HACD2: variants seen among roughly 807,000 people sequenced by gnomAD.
HACD2 encodes the protein very-long-chain (3R)-3-hydroxyacyl-CoA dehydratase 2.
HACD2 carries 15 observed loss-of-function variants against 31.0 expected under a neutral mutation model. That is an observed-to-expected ratio of 0.48 (90% CI 0.32 to 0.75). HACD2 has a LOEUF of 0.75. Among genes scored for constraint, HACD2 ranks in the 30% least tolerant of loss-of-function variants. The probability of loss-of-function intolerance (pLI) is 0.03; values close to 1 mark genes in which losing one functional copy is unlikely to be tolerated. For missense variants in HACD2, 283 were observed against 313.0 expected (o/e 0.90, Z 0.72); for synonymous variants, 115 against 122.2 (o/e 0.94, Z 0.39).
chr3:123,541,398 T>C (rs1174925774), intron 3 of HACD2, among the ~76,000 whole-genome samples: 1 of 152,220 alleles, frequency 6.6e-6, no homozygotes, highest in East Asian at 1.9e-4. Context: ...GGATTTCACT[T>C]AAGCAAACCA....
chr3:123,517,611 C>T (rs571476653), intron 4 of HACD2, among the ~76,000 whole-genome samples: 1 of 152,146 alleles, frequency 6.6e-6, no homozygotes. Context: ...ACCCACAGTC[C>T]GCCCCCAAAT....
chr3:123,535,508 A>G (rs1228063914), intron 3 of HACD2, among the ~76,000 whole-genome samples: 2 of 152,264 alleles, frequency 1.3e-5, no homozygotes, highest in African/African-American at 2.4e-5. Flanking sequence ...GTATTTTAAA[A>G]CATGCTAGTC....
chr3:123,581,604 T>G (rs1022657733), intron 2 of HACD2, among the ~76,000 whole-genome samples: 4 of 152,222 alleles, frequency 2.6e-5, no homozygotes, highest in African/African-American at 9.7e-5. Context: ...ATTCCTGAGC[T>G]AGTTTCTTTG....
At chr3:123,512,915 G>C (rs1410646773) in intron 4 of HACD2, among the ~76,000 whole-genome samples, 1 of 152,204 alleles carries the variant, frequency 6.6e-6, no homozygotes, top group Non-Finnish European at 1.5e-5. Flanking sequence ...CTCAGTAGCA[G>C]TGAGCACCTC....
chr3:123,571,469 A>G (rs2056855051), intron 2 of HACD2, among the ~76,000 whole-genome samples: 1 of 152,210 alleles, frequency 6.6e-6, no homozygotes, highest in Non-Finnish European at 1.5e-5. Context: ...TATTCAAAGA[A>G]CAAGAGGGAT....
At chr3:123,501,708 G>A (rs1257969085) in intron 5 of HACD2, among the ~76,000 whole-genome samples, 1 of 152,202 alleles carries the variant, frequency 6.6e-6, no homozygotes, top group Non-Finnish European at 1.5e-5. Context: ...CACAGTGGCT[G>A]TCCAGGTTGG....
chr3:123,553,014 G>A (rs2056636159), intron 3 of HACD2, among the ~76,000 whole-genome samples: 1 of 152,002 alleles, frequency 6.6e-6, no homozygotes, highest in Non-Finnish European at 1.5e-5. Context: ...TAAATTAAAA[G>A]AGAAACAAAA....
At chr3:123,573,714 C>A (rs2056878830) in intron 2 of HACD2, among the ~76,000 whole-genome samples, 1 of 152,074 alleles carries the variant, frequency 6.6e-6, no homozygotes. Context: ...CATAAACAAG[C>A]AAAAGGGTGT....
chr3:123,583,214 T>C (rs1559940120), intron 1 of HACD2, among the ~76,000 whole-genome samples: 1 of 152,154 alleles, frequency 6.6e-6, no homozygotes, highest in Non-Finnish European at 1.5e-5. Context: ...AAAAAAAAGC[T>C]TACTTTGCTC....
At chr3:123,584,268 TC>T (rs1444392721) in intron 1 of HACD2, 2 of 152,160 alleles carry the variant, frequency 1.3e-5, no homozygotes, top group Non-Finnish European at 1.5e-5. Flanking sequence ...GGGTCCATTC[TC>T]CCCCTTTCCA....
At chr3:123,502,776 C>G (rs1038717996) in intron 4 of HACD2, 95 bp from the exon 5 acceptor site, 35 of 1,315,560 alleles carry the variant, frequency 2.7e-5, no homozygotes, top group Non-Finnish European at 3.4e-5. Context: ...TGAGTCGGCA[C>G]AGCCGCTGGT....
At chr3:123,498,328 G>T (rs181295735) in intron 6 of HACD2, among the ~76,000 whole-genome samples, 1 of 152,336 alleles carries the variant, frequency 6.6e-6, no homozygotes, top group Admixed American at 6.5e-5. Context: ...CTTACCAAAA[G>T]GAGGCTGAGA....
rs575764470 is a variant in HACD2, at chr3:123,507,717, C to A, written c.382-5036G>T. Reference sequence around the variant, plus strand: ...CATAAATACAGATACCTACTATGTACCCACAAAAATTTTAAAAAATAAAAA... The same window carrying A: ...CATAAATACAGATACCTACTATGTAACCACAAAAATTTTAAAAAATAAAAA... On this transcript the variant is annotated intron_variant, in intron 4 of 6. Coordinates refer to ENST00000383657, the MANE Select transcript of HACD2 (RefSeq NM_198402.5). 2.2e-3 allele frequency among the ~76,000 whole-genome samples: 335 copies of A among 151,866 alleles called. 1 individual carries two copies. Among genetic ancestry groups the A allele is most frequent in the Non-Finnish European group, 3.8e-3 (259 of 67,968 alleles).
chr3:123,523,128 C>T (rs1306176867), intron 4 of HACD2, among the ~76,000 whole-genome samples: 7 of 152,140 alleles, frequency 4.6e-5, no homozygotes, highest in Admixed American at 6.5e-5. Flanking sequence ...AGGAAGAACA[C>T]GAGCACACTG....
At chr3:123,574,270 T>C (rs566909335) in intron 2 of HACD2, among the ~76,000 whole-genome samples, 1 of 152,358 alleles carries the variant, frequency 6.6e-6, no homozygotes, top group East Asian at 1.9e-4. Flanking sequence ...ATCAACTTTA[T>C]CTTATGCTGT....
At chr3:123,512,119 G>A (rs986275785) in intron 4 of HACD2, among the ~76,000 whole-genome samples, 2 of 152,112 alleles carry the variant, frequency 1.3e-5, no homozygotes, top group African/African-American at 4.8e-5. Flanking sequence ...AGCCTCAGGT[G>A]TTCCTTAATA....
At position 123,494,913 on chromosome 3, in the gene HACD2, G is replaced by A; in HGVS notation, c.740C>T (p.Thr247Ile). The A allele has an allele frequency of 2.6e-6, 4 of 1,559,434 alleles. No homozygotes were observed. Among genetic ancestry groups the A allele is most frequent in the Non-Finnish European group, 3.5e-6 (4 of 1,150,100 alleles). Residue 247 changes from threonine (T) to isoleucine (I), a missense_variant, in exon 7 of 7, where the codon ACT (threonine) becomes ATT (isoleucine). This residue lies in a region of HACD2 where 40 missense variants were observed against 35.1 expected (regional missense o/e 1.14). Transcript: ENST00000383657. ...CTATTCAAATTTCTTGTGTTCTTCA[G>A]TATGAGAAAGGATCTTTCTTCTCTG... ...IHQRRKILSHTEEHKKFE is the reference protein window; with the variant it reads ...IHQRRKILSHIEEHKKFE
chr3:123,565,310 A>G (rs545988569), intron 3 of HACD2, among the ~76,000 whole-genome samples: 1 of 152,286 alleles, frequency 6.6e-6, no homozygotes, highest in African/African-American at 2.4e-5. Context: ...CTGTACCCTG[A>G]ATGTCTACGT....
At position 123,516,847 on chromosome 3, in the gene HACD2, T is replaced by C. The variant is rs1296704787; in HGVS notation, c.381+11539A>G. ...TGTTCAGCCTGTTTTCTGGAAAACATGAAGAAAGGATGGTCGGTACCTCAA... is the reference window on the plus strand; with the variant it reads ...TGTTCAGCCTGTTTTCTGGAAAACACGAAGAAAGGATGGTCGGTACCTCAA... On this transcript the variant is annotated intron_variant, in intron 4 of 6. Transcript: ENST00000383657. Among the ~76,000 whole-genome samples, 3 of 152,262 alleles carry C rather than the reference T, an allele frequency of 2.0e-5. No homozygotes were observed. In the East Asian group the frequency reaches 5.8e-4, roughly 29 times the overall value.
Sources: allele counts gnomAD v4.1 joint callset (sites outside exome capture counted in the v4.1 genomes callset), GRCh38; gene constraint gnomAD v4.1.1; regional missense constraint gnomAD v4.1.1; transcripts MANE v1.5; gene names NCBI Gene and HGNC (gene_info 2026-07-23, HGNC 2026-07-21).